APC: variants seen among roughly 807,000 people sequenced by gnomAD.
APC encodes adenomatous polyposis coli protein.
APC carries 72 observed loss-of-function variants against 247.0 expected under a neutral mutation model. The observed-to-expected ratio is 0.29, with a 90% CI of 0.24 to 0.35. APC has a LOEUF of 0.35. APC is among the 10% of genes least tolerant of loss of function. The pLI is 1.00. For synonymous variants in APC, 1,254 were observed against 1,162.5 expected (o/e 1.08, Z -1.60); for missense variants, 3,400 against 3,360.7 (o/e 1.01, Z -0.29).
In APC at chr5:112,845,430, G is replaced by C. The variant is rs112588804; in HGVS notation, c.*1304G>C. On this transcript the variant is annotated 3_prime_UTR_variant, in exon 16 of 16. Transcript: ENST00000257430. Reference sequence around the variant, plus strand: ...TCTTCGAGGCTTTACAGTGTAAACTGTCTTGCCCCTTCATCTTCTTGTTGC... The same window carrying C: ...TCTTCGAGGCTTTACAGTGTAAACTCTCTTGCCCCTTCATCTTCTTGTTGC... The C allele has an allele frequency of 1.3e-5, 3 of 233,016 alleles. No individual in the cohort carries two copies. The highest frequency in any genetic ancestry group is 6.1e-5 in the East Asian group (1 of 16,522). 14.4% of individuals were successfully genotyped at this position (233,016 alleles called of 1,614,324 possible).
At chr5:112,744,725 A>C (rs755041992) in intron 1 of APC, among the ~76,000 whole-genome samples, 7 of 152,202 alleles carry the variant, frequency 4.6e-5, no homozygotes, top group African/African-American at 1.7e-4. Flanking sequence ...TTTGTAGAGG[A>C]AAGTGAGGAG....
intron 14 of APC, among the ~76,000 whole-genome samples, chr5:112,833,032 T>G (rs1764459617): frequency 6.6e-6 from 1 of 150,656 alleles, no homozygotes; most frequent in Non-Finnish European, 1.5e-5. Flanking sequence ...GGTTTGGGTT[T>G]TTTTTTTTTG....
intron 4 of APC, among the ~76,000 whole-genome samples, chr5:112,771,178 A>G (rs918425240): frequency 6.6e-5 from 10 of 152,250 alleles, no homozygotes; most frequent in African/African-American, 2.2e-4. Flanking sequence ...TTAAAGGAAG[A>G]TGATGCTATT....
intron 5 of APC, chr5:112,778,236 C>G (rs113676044): frequency 6.0e-6 from 1 of 165,526 alleles, no homozygotes. Context: ...CTCCAAGCTG[C>G]TCTGGGTTAT....
chr5:112,721,661 A>AG (rs1751490728), intron 1 of APC, among the ~76,000 whole-genome samples: 1 of 152,106 alleles, frequency 6.6e-6, no homozygotes. Context: ...GAGGCAATAG[A>AG]GGGTACACAG....
chr5:112,835,289 A>G, intron 15 of APC, 124 bp downstream of exon 15: 5 of 842,050 alleles, frequency 5.9e-6, no homozygotes, highest in Non-Finnish European at 9.6e-6. Context: ...TTACTGTGAA[A>G]AGATAACTAC....
intron 1 of APC, among the ~76,000 whole-genome samples, chr5:112,744,793 A>T (rs2149703849): frequency 6.6e-6 from 1 of 152,362 alleles, no homozygotes; most frequent in Non-Finnish European, 1.5e-5. Flanking sequence ...TTGAAGGTAG[A>T]CTATTATCAG....
Position 112,843,094 on chromosome 5 carries a change from G to T in APC, c.7500G>T (p.Gln2500His), listed in dbSNP as rs1766496160. The T allele has an allele frequency of 6.2e-7, 1 of 1,614,016 alleles. No homozygotes were observed. The highest frequency in any genetic ancestry group is 2.2e-5 in the East Asian group (1 of 44,886). ...DMSLSTHSSV[Q>H]AGGWRKLPPN... ...CTCTATCCACACATTCGTCTGTTCA[G>T]GCTGGTGGATGGCGAAAACTCCCAC... Residue 2500 changes from glutamine (Q) to histidine (H), a missense_variant, in exon 16 of 16, where the codon CAG becomes CAT. Gln to His is a conservative substitution (Grantham distance 24). This residue lies in a region of APC where 1,788 missense variants were observed against 1,649.5 expected (regional missense o/e 1.08). Coordinates refer to ENST00000257430, the MANE Select transcript of APC (RefSeq NM_000038.6). The surrounding 1 kb of genome is among the most constrained non-coding windows in gnomAD (Gnocchi z 4.8).
At chr5:112,738,357 C>T (rs923460145) in intron 1 of APC, 2 of 985,422 alleles carry the variant, frequency 2.0e-6, no homozygotes, top group Non-Finnish European at 2.4e-6. Flanking sequence ...GACAAGGACA[C>T]ATGCATTGGT....
chr5:112,813,751 C>CT (rs1042634021), intron 8 of APC, among the ~76,000 whole-genome samples: 1 of 136,748 alleles, frequency 7.3e-6, no homozygotes, highest in Non-Finnish European at 1.6e-5. Context: ...AACCTTGTCT[C>CT]TAAAAAAAAA....
intron 2 of APC, among the ~76,000 whole-genome samples, chr5:112,755,897 C>G (rs899658024): frequency 1.3e-5 from 2 of 151,622 alleles, no homozygotes; most frequent in African/African-American, 4.8e-5. Flanking sequence ...ATAGCTTGAG[C>G]CAAGGAGCTC....
chr5:112,826,610 T>A lies in APC; in HGVS notation c.1409-498T>A, dbSNP rs553002424. The stretch of plus-strand genomic sequence containing the variant: ...GTAAAAAAAAAAAAAAACAAAACTT[T>A]TTAGTTTTTCTTCATGCACAGTTTC... On this transcript the variant is annotated intron_variant, in intron 11 of 15. Coordinates refer to ENST00000257430, the MANE Select transcript of APC (RefSeq NM_000038.6). Among the ~76,000 whole-genome samples, 25 of 151,918 alleles carry A rather than the reference T, an allele frequency of 1.6e-4. No homozygotes were observed. The South Asian group carries it at 4.8e-3, about 29-fold the overall frequency.
chr5:112,739,697 T>TA (rs1039094196), intron 1 of APC, among the ~76,000 whole-genome samples: 1 of 152,028 alleles, frequency 6.6e-6, no homozygotes, highest in Non-Finnish European at 1.5e-5. Flanking sequence ...AGCAAGACCC[T>TA]ATCTCAAAAA....
chr5:112,728,247 C>CTGAG (rs1407568247), intron 1 of APC, among the ~76,000 whole-genome samples: 2 of 152,124 alleles, frequency 1.3e-5, no homozygotes, highest in Non-Finnish European at 2.9e-5. Flanking sequence ...CCTGCCTCAA[C>CTGAG]CTCCTGAGTA....
rs755298202 is a variant in APC, at chr5:112,839,313, G to T, written c.3719G>T (p.Ser1240Ile). ...QLHPSSAQSR[S>I]GQPQKAATCK... Reference sequence around the variant, plus strand: ...CATCCAAGTTCTGCACAGAGTAGAAGTGGTCAGCCTCAAAAGGCTGCCACT... The same window carrying T: ...CATCCAAGTTCTGCACAGAGTAGAATTGGTCAGCCTCAAAAGGCTGCCACT... Residue 1240 changes from serine (S) to isoleucine (I), a missense_variant, in exon 16 of 16, where the codon AGT (serine) becomes ATT (isoleucine). By Grantham distance (142) the Ser-to-Ile change is moderately radical. This residue lies in a region of APC where 715 missense variants were observed against 656.6 expected (regional missense o/e 1.09). Transcript: ENST00000257430. The surrounding 1 kb of genome is among the most constrained non-coding windows in gnomAD (Gnocchi z 5.0). 1 of 1,613,924 alleles carries T rather than the reference G, an allele frequency of 6.2e-7. No homozygotes were observed. Among genetic ancestry groups the T allele is most frequent in the East Asian group, 2.2e-5 (1 of 44,882 alleles).
At chr5:112,822,501 A>G (rs1763243611) in intron 11 of APC, among the ~76,000 whole-genome samples, 1 of 152,204 alleles carries the variant, frequency 6.6e-6, no homozygotes, top group Non-Finnish European at 1.5e-5. Context: ...ATAGAAAAGT[A>G]TTATGCTTTA....
At chr5:112,817,796 A>G (rs1305782449) in intron 9 of APC, among the ~76,000 whole-genome samples, 6 of 152,168 alleles carry the variant, frequency 3.9e-5, no homozygotes. Context: ...TTTGCAGCTC[A>G]GAAAACTGAG....
chr5:112,735,762 G>A (rs1245129179), upstream of APC, among the ~76,000 whole-genome samples: 6 of 151,968 alleles, frequency 3.9e-5, no homozygotes, highest in Admixed American at 1.3e-4. Flanking sequence ...CTGAGTAATT[G>A]GCAACATAAA....
chr5:112,778,904 T>G (rs1344424504), intron 5 of APC, among the ~76,000 whole-genome samples: 1 of 152,190 alleles, frequency 6.6e-6, no homozygotes, highest in Non-Finnish European at 1.5e-5. Flanking sequence ...TTAGCTTAGA[T>G]TTTTCATTTT....
Sources: gnomAD v4.1 joint callset for allele counts (sites outside exome capture counted in the v4.1 genomes callset) on GRCh38, gnomAD v4.1.1 for gene constraint, gnomAD v4.1.1 regional missense constraint, Gnocchi (gnomAD v3.1) non-coding constraint, MANE v1.5 for transcripts, NCBI Gene and HGNC (gene_info 2026-07-23, HGNC 2026-07-21) for gene names.